RANBP2: variants seen among roughly 807,000 people sequenced by gnomAD.
The protein encoded by RANBP2 is E3 SUMO-protein ligase RanBP2.
Under a neutral mutation model 303.6 loss-of-function variants are expected in RANBP2, and 57 were observed. The observed-to-expected ratio is 0.19, with a 90% CI of 0.15 to 0.23. The LOEUF (loss-of-function observed/expected upper bound fraction) is 0.23, where lower values mean the gene tolerates loss of function less well. Ranked by LOEUF, RANBP2 falls within the 10% of genes least tolerant of loss-of-function variation. The probability of loss-of-function intolerance (pLI) is 1.00; values close to 1 mark genes in which losing one functional copy is unlikely to be tolerated. For synonymous variants in RANBP2, 1,167 were observed against 1,301.5 expected, an observed-to-expected ratio of 0.90 and a Z score of 2.23; for missense variants, 3,138 against 3,780.8, an observed-to-expected ratio of 0.83 and a Z score of 4.46.
the RANBP2 span, among the ~76,000 whole-genome samples, chr2:109,215,361 GGGA>G: frequency 6.6e-6 from 1 of 152,188 alleles, no homozygotes; most frequent in African/African-American, 2.4e-5. Flanking sequence ...CACCAGAGAA[GGGA>G]GGGTGCATTC....
the RANBP2 span, among the ~76,000 whole-genome samples, chr2:109,764,432 C>T: frequency 1.3e-5 from 2 of 148,348 alleles, 1 homozygote; most frequent in Non-Finnish European, 3.0e-5. Context: ...CTAACTGTTG[C>T]TTTCATTTAA....
chr2:109,398,915 C>T, the RANBP2 span: 1 of 1,613,222 alleles, frequency 6.2e-7, no homozygotes, highest in Non-Finnish European at 8.5e-7. Flanking sequence ...GGAGACCTTG[C>T]TCATCTGTCG....
intron 1 of RANBP2, among the ~76,000 whole-genome samples, chr2:108,721,866 T>C (rs922248883): frequency 5.9e-5 from 9 of 152,066 alleles, no homozygotes; most frequent in African/African-American, 2.2e-4. Flanking sequence ...CTTAGCCTCC[T>C]GGGTAGCTGA....
chr2:109,347,141 T>C, the RANBP2 span, among the ~76,000 whole-genome samples: 2 of 152,142 alleles, frequency 1.3e-5, no homozygotes, highest in Admixed American at 6.5e-5. Flanking sequence ...ATTCAGTAGA[T>C]GAAGTAAAGA....
chr2:109,223,568 C>T, the RANBP2 span, among the ~76,000 whole-genome samples: 3 of 151,990 alleles, frequency 2.0e-5, no homozygotes, highest in Admixed American at 1.3e-4. Context: ...GCTTCAGCTG[C>T]GGGCTCCATT....
the RANBP2 span, among the ~76,000 whole-genome samples, chr2:109,329,625 G>A: frequency 6.6e-6 from 1 of 152,218 alleles, no homozygotes; most frequent in Non-Finnish European, 1.5e-5. Context: ...TCCCTCAAGG[G>A]AGGACACTTT....
chr2:109,446,278 T>A, the RANBP2 span, among the ~76,000 whole-genome samples: 1 of 152,164 alleles, frequency 6.6e-6, no homozygotes, highest in Non-Finnish European at 1.5e-5. Flanking sequence ...GGGTTCTTTT[T>A]TCCTCAGAGA....
chr2:109,279,850 C>T, the RANBP2 span, among the ~76,000 whole-genome samples: 3 of 151,842 alleles, frequency 2.0e-5, no homozygotes, highest in Non-Finnish European at 2.9e-5. Flanking sequence ...GGGGCCTGCC[C>T]TGTAGCGAGG....
the RANBP2 span, among the ~76,000 whole-genome samples, chr2:108,811,247 C>CTTTTTTTTTTTTTTTTTTTTT: frequency 6.1e-5 from 7 of 113,936 alleles, 1 homozygote; most frequent in African/African-American, 2.7e-4. Context: ...TTCTCTCTCT[C>CTTTTTTTTTTTTTTTTTTTTT]TTTTTTTTTT....
At chr2:109,040,092 A>C in the RANBP2 span, among the ~76,000 whole-genome samples, 24 of 152,044 alleles carry the variant, frequency 1.6e-4, no homozygotes, top group African/African-American at 5.6e-4. Context: ...TTTTTCTATC[A>C]CAGCTAGCTC....
chr2:109,652,196 T>C, the RANBP2 span, among the ~76,000 whole-genome samples: 3 of 152,080 alleles, frequency 2.0e-5, no homozygotes, highest in Non-Finnish European at 2.9e-5. Flanking sequence ...GCTGCGCCAC[T>C]ATCCATGGAC....
chr2:109,128,318 G>A, the RANBP2 span: 1 of 152,210 alleles, frequency 6.6e-6, no homozygotes, highest in Non-Finnish European at 1.5e-5. Flanking sequence ...CGCCTCCGTA[G>A]GAAAAAATTG....
the RANBP2 span, among the ~76,000 whole-genome samples, chr2:108,854,443 A>C: frequency 6.6e-6 from 1 of 152,062 alleles, no homozygotes; most frequent in South Asian, 2.1e-4. Context: ...TAATGAGAGA[A>C]TTGATGTAAA....
the RANBP2 span, chr2:109,565,882 T>A: frequency 1.9e-6 from 3 of 1,573,434 alleles, no homozygotes; most frequent in African/African-American, 2.7e-5. Flanking sequence ...ATCGAGCACA[T>A]CTTCTCATAC....
the RANBP2 span, among the ~76,000 whole-genome samples, chr2:109,468,284 C>T: frequency 3.3e-5 from 5 of 152,212 alleles, no homozygotes; most frequent in African/African-American, 1.2e-4. Flanking sequence ...GCAACTGTAA[C>T]ACAGCGGCAA....
At chr2:108,796,627 A>G in the RANBP2 span, among the ~76,000 whole-genome samples, 1 of 152,242 alleles carries the variant, frequency 6.6e-6, no homozygotes, top group Non-Finnish European at 1.5e-5. Flanking sequence ...ACACAATGGA[A>G]TATTATTCAG....
chr2:109,163,178 C>G, the RANBP2 span, among the ~76,000 whole-genome samples: 3 of 152,286 alleles, frequency 2.0e-5, no homozygotes, highest in Non-Finnish European at 4.4e-5. Flanking sequence ...GAGCTCACCC[C>G]CGAGGCGGGA....
At chr2:109,317,343 G>A in the RANBP2 span, among the ~76,000 whole-genome samples, 1 of 152,134 alleles carries the variant, frequency 6.6e-6, no homozygotes, top group Non-Finnish European at 1.5e-5. Context: ...GGGCAGGTGG[G>A]CAGGTGCCGC....
At chr2:109,463,627 C>T in the RANBP2 span, among the ~76,000 whole-genome samples, 1 of 152,188 alleles carries the variant, frequency 6.6e-6, no homozygotes, top group Middle Eastern at 3.2e-3. Flanking sequence ...ACTCTGGAAG[C>T]AATGGGGAAG....
Sources: gnomAD v4.1 joint callset for allele counts (sites outside exome capture counted in the v4.1 genomes callset) on GRCh38, gnomAD v4.1.1 for gene constraint, MANE v1.5 for transcripts, NCBI Gene and HGNC (gene_info 2026-07-23, HGNC 2026-07-21) for gene names.